Variants in PPM1L observed in about 807,000 individuals in gnomAD.
PPM1L encodes the protein protein phosphatase 1L.
In PPM1L, 13 loss-of-function variants were observed where a neutral mutation model predicts 31.4. The observed-to-expected ratio is 0.41, with a 90% confidence interval of 0.27 to 0.66. PPM1L has a LOEUF of 0.66. PPM1L is among the 30% of genes least tolerant of loss of function. The probability of loss-of-function intolerance (pLI) is 0.29; values close to 1 mark genes in which losing one functional copy is unlikely to be tolerated. For synonymous variants in PPM1L, 184 were observed against 175.4 expected, an observed-to-expected ratio of 1.05 and a Z score of -0.39; for missense variants, 326 against 453.7, an observed-to-expected ratio of 0.72 and a Z score of 2.56.
chr3:160,904,297 T>C (rs1024765188), intron 1 of PPM1L, among the ~76,000 whole-genome samples: 2 of 152,206 alleles, frequency 1.3e-5, no homozygotes, highest in Admixed American at 6.5e-5. Flanking sequence ...GTCTGTTAAG[T>C]ACTTTTAAAA....
chr3:160,966,671 A>T (rs1273934230), intron 2 of PPM1L, among the ~76,000 whole-genome samples: 2 of 152,142 alleles, frequency 1.3e-5, no homozygotes, highest in African/African-American at 4.8e-5. Context: ...ACTTCAGAAA[A>T]CATAAGAGTT....
Position 160,756,642 on chromosome 3 carries a change from C to G in PPM1L, c.334C>G (p.Leu112Val), listed in dbSNP as rs1714812980. Reference sequence around the variant, plus strand: ...CCACATGGAGGACCGCTTCGAAGTTCTCACGGATCTGGCCAACAAGACGCA... The same window carrying G: ...CCACATGGAGGACCGCTTCGAAGTTGTCACGGATCTGGCCAACAAGACGCA... ...RDHMEDRFEV[L>V]TDLANKTHPS... Residue 112 changes from leucine (L) to valine (V), a missense_variant, in exon 1 of 4, where the codon CTC becomes GTC. This residue lies in a region of PPM1L where 83 missense variants were observed against 79.4 expected (regional missense o/e 1.04). Transcript: ENST00000498165. This position sits in a 1 kb window ranked among gnomAD's most constrained non-coding sequence, Gnocchi z 6.2. The G allele has an allele frequency of 6.2e-7, 1 of 1,614,180 alleles. No individual in the cohort carries two copies. The highest frequency in any genetic ancestry group is 1.3e-5 in the African/African-American group (1 of 75,058).
intron 1 of PPM1L, among the ~76,000 whole-genome samples, chr3:160,866,052 A>C (rs1233634880): frequency 6.6e-6 from 1 of 152,128 alleles, no homozygotes; most frequent in Admixed American, 6.5e-5. Flanking sequence ...AACTGACCTT[A>C]CTCAGTAAGG....
chr3:161,050,049 G>GTGTCACC (rs1281650931), intron 2 of PPM1L, among the ~76,000 whole-genome samples: 5 of 152,302 alleles, frequency 3.3e-5, no homozygotes, highest in African/African-American at 1.2e-4. Context: ...TGGTATGGTG[G>GTGTCACC]TGTCACCTGA....
intron 1 of PPM1L, among the ~76,000 whole-genome samples, chr3:160,800,651 A>G (rs533713150): frequency 2.6e-5 from 4 of 152,254 alleles, no homozygotes; most frequent in East Asian, 3.9e-4. Flanking sequence ...AACAATTCCA[A>G]TGATAATTAC....
At chr3:160,861,139 A>T (rs1156993760) in intron 1 of PPM1L, among the ~76,000 whole-genome samples, 5 of 152,188 alleles carry the variant, frequency 3.3e-5, no homozygotes, top group Non-Finnish European at 7.3e-5. Context: ...AGCTGGGAAT[A>T]AAACCTTTAT....
chr3:160,802,857 A>G (rs1429684600), intron 1 of PPM1L, among the ~76,000 whole-genome samples: 1 of 152,220 alleles, frequency 6.6e-6, no homozygotes, highest in African/African-American at 2.4e-5. Context: ...TGAAAAAACC[A>G]GGCACAATTA....
intron 2 of PPM1L, among the ~76,000 whole-genome samples, chr3:160,975,148 G>T (rs559709266): frequency 1.6e-4 from 24 of 152,242 alleles, no homozygotes; most frequent in Middle Eastern, 3.4e-3. Context: ...CCCATTGCTG[G>T]TTTTTCTCAG....
At chr3:160,775,971 G>C (rs1711549306) in intron 1 of PPM1L, among the ~76,000 whole-genome samples, 1 of 152,218 alleles carries the variant, frequency 6.6e-6, no homozygotes, top group East Asian at 1.9e-4. Context: ...ACTCAAGGAA[G>C]AGCGTCATTA....
chr3:160,877,017 C>G (rs570610775), intron 1 of PPM1L, among the ~76,000 whole-genome samples: 1 of 152,278 alleles, frequency 6.6e-6, no homozygotes, highest in East Asian at 1.9e-4. Flanking sequence ...GACATTGCCA[C>G]GTTCTGGAGA....
intron 1 of PPM1L, among the ~76,000 whole-genome samples, chr3:160,936,055 T>G (rs1714960325): frequency 6.6e-6 from 1 of 152,098 alleles, no homozygotes; most frequent in Non-Finnish European, 1.5e-5. Context: ...GTTTTATCTG[T>G]TTGGGTCTCT....
chr3:160,909,987 T>A (rs1713899082), intron 1 of PPM1L, among the ~76,000 whole-genome samples: 1 of 152,188 alleles, frequency 6.6e-6, no homozygotes, highest in Admixed American at 6.5e-5. Flanking sequence ...GAAGGGGCTG[T>A]GGCTGGAGTA....
chr3:160,834,207 T>C (rs956779381), intron 1 of PPM1L, among the ~76,000 whole-genome samples: 3 of 151,940 alleles, frequency 2.0e-5, no homozygotes, highest in Admixed American at 6.6e-5. Context: ...GTATTTTTAG[T>C]AGAGATGGGG....
At chr3:160,840,428 T>C (rs1713837406) in intron 1 of PPM1L, among the ~76,000 whole-genome samples, 2 of 152,238 alleles carry the variant, frequency 1.3e-5, no homozygotes, top group East Asian at 1.9e-4. Flanking sequence ...AGGATGTAGA[T>C]ACAGATGTAC....
intron 2 of PPM1L, among the ~76,000 whole-genome samples, chr3:161,039,110 A>C (rs1434009298): frequency 6.6e-6 from 1 of 152,170 alleles, no homozygotes; most frequent in African/African-American, 2.4e-5. Context: ...AACATCAACA[A>C]ATAACCATAA....
intron 2 of PPM1L, among the ~76,000 whole-genome samples, chr3:161,000,768 G>C (rs1490846873): frequency 6.6e-6 from 1 of 152,140 alleles, no homozygotes; most frequent in Non-Finnish European, 1.5e-5. Flanking sequence ...GAGTTCACTG[G>C]AATCATTTTA....
chr3:160,893,049 A>G (rs1344640741), intron 1 of PPM1L, among the ~76,000 whole-genome samples: 1 of 152,176 alleles, frequency 6.6e-6, no homozygotes, highest in Non-Finnish European at 1.5e-5. Context: ...GTTATATTGT[A>G]CAATCATTGC....
intron 1 of PPM1L, among the ~76,000 whole-genome samples, chr3:160,954,924 T>TTCCTTCC (rs1715703677): frequency 9.3e-5 from 8 of 85,930 alleles, no homozygotes; most frequent in Admixed American, 2.7e-4. Flanking sequence ...TCCTTCCTTC[T>TTCCTTCC]TTCCTTCCTT....
At chr3:160,854,955 A>T (rs186454992) in intron 1 of PPM1L, among the ~76,000 whole-genome samples, 1 of 151,994 alleles carries the variant, frequency 6.6e-6, no homozygotes, top group East Asian at 1.9e-4. Flanking sequence ...CAGGCATCAC[A>T]TTACTCAATT....
Sources: gnomAD v4.1 joint callset for allele counts (sites outside exome capture counted in the v4.1 genomes callset) on GRCh38, gnomAD v4.1.1 for gene constraint, gnomAD v4.1.1 regional missense constraint, Gnocchi (gnomAD v3.1) non-coding constraint, MANE v1.5 for transcripts, NCBI Gene and HGNC (gene_info 2026-07-23, HGNC 2026-07-21) for gene names.